Variants in TMTC2 observed in about 807,000 individuals in gnomAD.
TMTC2 encodes transmembrane O-mannosyltransferase targeting cadherins 2, also known as protein O-mannosyl-transferase TMTC2.
TMTC2 carries 43 observed loss-of-function variants against 82.4 expected under a neutral mutation model. That is an observed-to-expected ratio of 0.52 (90% CI 0.41 to 0.67). TMTC2 has a LOEUF of 0.67. Among genes scored for constraint, TMTC2 ranks in the 30% least tolerant of loss-of-function variants. TMTC2 has a pLI of 0.00. For synonymous variants in TMTC2, 408 were observed against 381.9 expected (o/e 1.07, Z -0.80); for missense variants, 919 against 1,012.4 (o/e 0.91, Z 1.25).
chr12:82,856,640 TA>T (rs1191668180), intron 1 of TMTC2, among the ~76,000 whole-genome samples: 1 of 152,206 alleles, frequency 6.6e-6, no homozygotes, highest in East Asian at 1.9e-4. Flanking sequence ...CCTTGCTTCT[TA>T]AAAATGCAGA....
chr12:82,997,350 A>G (rs10862534), intron 8 of TMTC2, among the ~76,000 whole-genome samples: 4,305 of 44,134 alleles, frequency 0.098, 644 homozygotes, highest in Middle Eastern at 0.23. Flanking sequence ...GTGTGTGTGT[A>G]TATATATATA....
chr12:82,912,286 TG>T (rs1379954418), intron 3 of TMTC2, among the ~76,000 whole-genome samples: 12 of 152,196 alleles, frequency 7.9e-5, no homozygotes, highest in Non-Finnish European at 1.8e-4. Flanking sequence ...TGTCAAAGCA[TG>T]GCGTTTTCTT....
At chr12:83,085,121 T>C (rs987040783) in intron 11 of TMTC2, among the ~76,000 whole-genome samples, 2 of 152,232 alleles carry the variant, frequency 1.3e-5, no homozygotes, top group Non-Finnish European at 2.9e-5. Context: ...AAGAGCTCTC[T>C]ATTTTAATCC....
chr12:83,132,094 C>A lies in TMTC2; in HGVS notation c.2332-116C>A, dbSNP rs970938843. 1.3e-5 allele frequency: 16 copies of A among 1,274,794 alleles called. No individual in the cohort carries two copies. In the African/African-American group the frequency reaches 1.5e-4, roughly 12 times the overall value. 79.0% of individuals were successfully genotyped at this position (1,274,794 alleles called of 1,614,324 possible). ...TGTATAAATTGCTAAATTGCTTTCA[C>A]AAAATGCCTCTAGACATAAGGGAAT... On this transcript the variant is annotated intron_variant, in intron 11 of 11. Transcript: ENST00000321196.
intron 1 of TMTC2, among the ~76,000 whole-genome samples, chr12:82,774,234 T>G (rs1877465149): frequency 6.6e-6 from 1 of 152,118 alleles, no homozygotes; most frequent in Non-Finnish European, 1.5e-5. Context: ...TGTGTATATA[T>G]GTGTATGTGT....
intron 1 of TMTC2, among the ~76,000 whole-genome samples, chr12:82,767,686 C>G (rs576490335): frequency 6.6e-6 from 1 of 152,168 alleles, no homozygotes; most frequent in Non-Finnish European, 1.5e-5. Context: ...CTACTCCATA[C>G]GTAGCTTTTC....
intron 1 of TMTC2, among the ~76,000 whole-genome samples, chr12:82,791,506 A>G (rs1211159829): frequency 6.6e-6 from 1 of 152,130 alleles, no homozygotes; most frequent in East Asian, 1.9e-4. Context: ...AAGTGGTACA[A>G]AGGCTTTTCC....
At chr12:82,829,126 A>G (rs1314954498) in intron 1 of TMTC2, among the ~76,000 whole-genome samples, 1 of 152,190 alleles carries the variant, frequency 6.6e-6, no homozygotes, top group African/African-American at 2.4e-5. Flanking sequence ...TTTCCTGAGT[A>G]CACTAAGGTT....
chr12:83,132,644 G>T lies in TMTC2; in HGVS notation c.*255G>T. 2.5e-6 allele frequency: 1 copy of T among 393,680 alleles called. No homozygotes were observed. Among genetic ancestry groups the T allele is most frequent in the Non-Finnish European group, 4.4e-6 (1 of 224,742 alleles). The allele number at this position is 393,680 out of a possible 1,614,324, so 24.4% of individuals were successfully genotyped here. A position where few individuals can be genotyped will look rare whatever the true frequency, so the allele number is the denominator to read the frequency against. On this transcript the variant is annotated 3_prime_UTR_variant, in exon 12 of 12. Coordinates refer to ENST00000321196, the MANE Select transcript of TMTC2 (RefSeq NM_152588.3). ...ACTGTAAACCAGAGCACTTAAAACA[G>T]AACCTTTTGGCATTCTTAAAAAGGG...
intron 1 of TMTC2, among the ~76,000 whole-genome samples, chr12:82,835,996 G>A (rs1459554853): frequency 6.6e-6 from 1 of 152,214 alleles, no homozygotes; most frequent in African/African-American, 2.4e-5. Flanking sequence ...CATTATATGA[G>A]TAAAATACAG....
In TMTC2 at chr12:83,004,696, T is replaced by C. The variant is rs140451847; in HGVS notation, c.2070+18650T>C. On this transcript the variant is annotated intron_variant, in intron 8 of 11. Transcript: ENST00000321196. ...TTTGTGGAAAGATTCCTGCATTTTG[T>C]TTCACAGGCAGTGTATACTGGCCGA... Among the ~76,000 whole-genome samples the C allele has an allele frequency of 3.9e-3, 576 of 148,768 alleles. 5 individuals carry two copies. Among genetic ancestry groups the C allele is most frequent in the African/African-American group, 0.014 (554 of 40,632 alleles).
intron 1 of TMTC2, among the ~76,000 whole-genome samples, chr12:82,696,847 A>T (rs1872812590): frequency 6.6e-6 from 1 of 151,932 alleles, no homozygotes; most frequent in African/African-American, 2.4e-5. Context: ...TGACTTTTTA[A>T]AAGTCTTTTT....
At chr12:82,881,755 GT>G (rs1872833754) in intron 2 of TMTC2, among the ~76,000 whole-genome samples, 1 of 152,158 alleles carries the variant, frequency 6.6e-6, no homozygotes, top group Non-Finnish European at 1.5e-5. Context: ...CTAATAAAGT[GT>G]GCATTTAAGA....
chr12:83,054,839 A>G (rs1882478499), intron 10 of TMTC2, among the ~76,000 whole-genome samples: 2 of 152,040 alleles, frequency 1.3e-5, no homozygotes, highest in Non-Finnish European at 2.9e-5. Flanking sequence ...CATTCATCAT[A>G]ATGAAGGCAA....
chr12:83,006,531 A>C (rs1278678750), intron 8 of TMTC2, among the ~76,000 whole-genome samples: 1 of 152,178 alleles, frequency 6.6e-6, no homozygotes, highest in East Asian at 1.9e-4. Flanking sequence ...TCCATTGTGG[A>C]AGACATTGTG....
intron 11 of TMTC2, among the ~76,000 whole-genome samples, chr12:83,063,072 C>A (rs937847423): frequency 6.6e-6 from 1 of 151,634 alleles, no homozygotes; most frequent in Admixed American, 6.6e-5. Context: ...GAAATGATGA[C>A]CCAGGAAAAT....
intron 9 of TMTC2, among the ~76,000 whole-genome samples, chr12:83,037,989 C>T (rs1348165763): frequency 1.3e-5 from 2 of 151,676 alleles, no homozygotes; most frequent in Non-Finnish European, 2.9e-5. Flanking sequence ...ATGATACAAC[C>T]GGTTTTAAAA....
At chr12:82,945,936 T>C (rs1347424782) in intron 4 of TMTC2, among the ~76,000 whole-genome samples, 1 of 152,190 alleles carries the variant, frequency 6.6e-6, no homozygotes, top group Non-Finnish European at 1.5e-5. Context: ...AATGAATGTG[T>C]CATCTGCTGC....
rs1477233624 is a variant in TMTC2 at position 83,085,845 on chromosome 12, A to C, written c.2331+24014A>C. Among the ~76,000 whole-genome samples, 3 of 152,222 alleles carry C rather than the reference A, an allele frequency of 2.0e-5. No individual in the cohort carries two copies. In the East Asian group the frequency reaches 5.8e-4, roughly 29 times the overall value. ...TAAATGCTAATAAATTTCCTACCACAGTAAAGGCAATAGTGGTATAGTTCT... is the reference window on the plus strand; with the variant it reads ...TAAATGCTAATAAATTTCCTACCACCGTAAAGGCAATAGTGGTATAGTTCT... On this transcript the variant is annotated intron_variant, in intron 11 of 11. Coordinates refer to ENST00000321196, the MANE Select transcript of TMTC2 (RefSeq NM_152588.3).
Sources: allele counts gnomAD v4.1 joint callset (sites outside exome capture counted in the v4.1 genomes callset), GRCh38; gene constraint gnomAD v4.1.1; transcripts MANE v1.5; gene names NCBI Gene and HGNC (gene_info 2026-07-23, HGNC 2026-07-21).